The following USP31 variants were observed in gnomAD, a reference collection of about 807,000 sequenced individuals.
The protein encoded by USP31 is ubiquitin carboxyl-terminal hydrolase 31.
Under a neutral mutation model 119.4 loss-of-function variants are expected in USP31, and 44 were observed. The observed-to-expected ratio is 0.37, with a 90% CI of 0.29 to 0.47. The LOEUF (loss-of-function observed/expected upper bound fraction) is 0.47, where lower values mean the gene tolerates loss of function less well. Among genes scored for constraint, USP31 ranks in the 20% least tolerant of loss-of-function variants. The pLI is 0.99. For missense variants in USP31, 1,643 were observed against 1,730.2 expected (o/e 0.95, Z 0.89); for synonymous variants, 749 against 705.6 (o/e 1.06, Z -0.97).
intron 1 of USP31, among the ~76,000 whole-genome samples, chr16:23,136,963 G>A (rs951214625): frequency 4.0e-5 from 6 of 151,644 alleles, no homozygotes; most frequent in African/African-American, 1.5e-4. Context: ...CTGTAATCCC[G>A]GCACTTTGGG....
chr16:23,064,979 T>C lies in USP31; in HGVS notation c.*3067A>G, dbSNP rs915340030. ...TTCAGCTGCTTTCAGGACGAGAAAA[T>C]ACAAAACGGATGGGAAATGGTCTAA... On this transcript the variant is annotated 3_prime_UTR_variant, in exon 16 of 16. Transcript: ENST00000219689. The C allele has an allele frequency of 1.3e-5, 2 of 152,022 alleles. No individual in the cohort carries two copies. Among genetic ancestry groups the C allele is most frequent in the Non-Finnish European group, 2.9e-5 (2 of 68,004 alleles). The allele number at this position is 152,022 out of a possible 1,614,324, so 9.4% of individuals were successfully genotyped here. A position where few individuals can be genotyped will look rare whatever the true frequency, so the allele number is the denominator to read the frequency against.
intron 1 of USP31, among the ~76,000 whole-genome samples, chr16:23,130,742 G>C (rs1363823021): frequency 3.3e-5 from 5 of 152,118 alleles, no homozygotes; most frequent in Non-Finnish European, 7.3e-5. Flanking sequence ...GGTGTGGTCT[G>C]ACAGGAACAG....
At chr16:23,109,622 G>A (rs1902239513) in intron 1 of USP31, among the ~76,000 whole-genome samples, 1 of 152,152 alleles carries the variant, frequency 6.6e-6, no homozygotes, top group Admixed American at 6.5e-5. Flanking sequence ...AATGGAAAGA[G>A]GAGTAGAAAG....
chr16:23,123,153 T>TG (rs1294102402), intron 1 of USP31, among the ~76,000 whole-genome samples: 2 of 152,174 alleles, frequency 1.3e-5, no homozygotes, highest in Non-Finnish European at 2.9e-5. Flanking sequence ...TTTCTTGATC[T>TG]GGGTGACAAA....
chr16:23,094,965 T>C (rs897856985), intron 6 of USP31, among the ~76,000 whole-genome samples: 4 of 152,172 alleles, frequency 2.6e-5, no homozygotes, highest in Non-Finnish European at 4.4e-5. Context: ...AGGATCGCAG[T>C]TCCTCGCCAG....
intron 1 of USP31, among the ~76,000 whole-genome samples, chr16:23,114,725 C>T (rs1372563163): frequency 2.0e-5 from 3 of 152,206 alleles, no homozygotes; most frequent in African/African-American, 2.4e-5. Context: ...CACGACCCAA[C>T]AGGTAACAGA....
intron 14 of USP31, chr16:23,072,462 A>C: frequency 1.7e-6 from 1 of 598,140 alleles, no homozygotes; most frequent in Non-Finnish European, 3.0e-6. Flanking sequence ...TTTATAATGT[A>C]AGTCTGAGTC....
At chr16:23,136,339 G>C (rs1208662709) in intron 1 of USP31, among the ~76,000 whole-genome samples, 2 of 152,096 alleles carry the variant, frequency 1.3e-5, no homozygotes, top group Non-Finnish European at 2.9e-5. Context: ...AGAAAAACTA[G>C]AAAAAGTGGA....
At chr16:23,102,023 G>A (rs567955249) in intron 6 of USP31, among the ~76,000 whole-genome samples, 1 of 139,748 alleles carries the variant, frequency 7.2e-6, no homozygotes, top group East Asian at 2.2e-4. Context: ...CTTCCTGAAT[G>A]TCATGATAAG....
chr16:23,122,919 G>A (rs916352766), intron 1 of USP31, among the ~76,000 whole-genome samples: 3 of 152,154 alleles, frequency 2.0e-5, no homozygotes, highest in Non-Finnish European at 2.9e-5. Context: ...ACACTAAATG[G>A]ATGAATTAAA....
chr16:23,120,985 T>C (rs1596726124), intron 1 of USP31, among the ~76,000 whole-genome samples: 1 of 151,578 alleles, frequency 6.6e-6, no homozygotes, highest in Non-Finnish European at 1.5e-5. Flanking sequence ...TGACATTTTA[T>C]TATAAGAGAC....
chr16:23,101,026 G>A (rs148934877), intron 6 of USP31, among the ~76,000 whole-genome samples: 64 of 152,282 alleles, frequency 4.2e-4, no homozygotes, highest in African/African-American at 1.5e-3. Flanking sequence ...AGGGGGTTAT[G>A]CTCCTTTCAA....
At chr16:23,096,256 C>T (rs942894837) in intron 6 of USP31, among the ~76,000 whole-genome samples, 2 of 152,302 alleles carry the variant, frequency 1.3e-5, no homozygotes, top group Non-Finnish European at 2.9e-5. Flanking sequence ...AAGGCCATTA[C>T]ATAATGGTAT....
rs1596697917 is a variant in USP31 at position 23,087,817 on chromosome 16, C to T, written c.1434G>A (p.Val478=). 1 of 1,613,736 alleles carries T rather than the reference C, an allele frequency of 6.2e-7. No homozygotes were observed. The highest frequency in any genetic ancestry group is 1.1e-5 in the South Asian group (1 of 91,072). The part of the protein sequence containing the change: ...QQGKRFGLPF[V]LHLEKTIAWD... ...AAGCTATTGTCTTCTCTAAGTGCAG[C>T]ACAAAAGGCAGTCCAAATCTAACAC... The change falls in exon 8 of 16, where the codon GTG becomes GTA. Residue 478 remains valine (V), a synonymous_variant. Coordinates refer to ENST00000219689, the MANE Select transcript of USP31 (RefSeq NM_020718.4).
In USP31 at chr16:23,084,848, C is replaced by A. The variant is rs772248819; in HGVS notation, c.1830+12G>T. 12 of 1,613,440 alleles carry A rather than the reference C, an allele frequency of 7.4e-6. No individual in the cohort carries two copies. The highest frequency in any genetic ancestry group is 4.0e-5 in the African/African-American group (3 of 74,894). On this transcript the variant is annotated intron_variant, in intron 11 of 15. Transcript: ENST00000219689. ...GCCCTGAGCAACCAAGAAATGCTGCCCAGTCTCTTACCCGCTCCTCTTTGG... is the reference window on the plus strand; with the variant it reads ...GCCCTGAGCAACCAAGAAATGCTGCACAGTCTCTTACCCGCTCCTCTTTGG...
In USP31 at chr16:23,068,906, A is replaced by C; in HGVS notation, c.3199T>G (p.Ser1067Ala). 1 of 1,611,994 alleles carries C rather than the reference A, an allele frequency of 6.2e-7. No homozygotes were observed. Among genetic ancestry groups the C allele is most frequent in the Non-Finnish European group, 8.5e-7 (1 of 1,179,192 alleles). The part of the protein sequence containing the change: ...SPSSPLPVKV[S>A]LKPSRSRSKA... The stretch of plus-strand genomic sequence containing the variant: ...CTGCGGGAGCGGGAGGGCTTTAGAG[A>C]GACTTTTACAGGAAGAGGAGAAGAA... Residue 1067 changes from serine (S) to alanine (A), a missense_variant, in exon 16 of 16, where the codon TCT becomes GCT. Coordinates refer to ENST00000219689, the MANE Select transcript of USP31 (RefSeq NM_020718.4).
At chr16:23,139,676 C>T (rs1238142830) in intron 1 of USP31, among the ~76,000 whole-genome samples, 1 of 152,146 alleles carries the variant, frequency 6.6e-6, no homozygotes, top group East Asian at 1.9e-4. Context: ...GCAGCTGAAT[C>T]CAAGTCTATA....
intron 6 of USP31, among the ~76,000 whole-genome samples, chr16:23,098,570 T>C (rs1411357844): frequency 6.6e-6 from 1 of 152,058 alleles, no homozygotes; most frequent in Non-Finnish European, 1.5e-5. Flanking sequence ...AACTTCAAAC[T>C]ATACTACAAG....
chr16:23,116,882 C>T (rs2141884237), intron 1 of USP31, among the ~76,000 whole-genome samples: 1 of 152,312 alleles, frequency 6.6e-6, no homozygotes, highest in Non-Finnish European at 1.5e-5. Flanking sequence ...ACACACATTC[C>T]TTGGACTCTG....
Sources: allele counts gnomAD v4.1 joint callset (sites outside exome capture counted in the v4.1 genomes callset), GRCh38; gene constraint gnomAD v4.1.1; transcripts MANE v1.5; gene names NCBI Gene and HGNC (gene_info 2026-07-23, HGNC 2026-07-21).